Variants in AATF observed in about 807,000 individuals in gnomAD.
The protein encoded by AATF is apoptosis antagonizing transcription factor.
Under a neutral mutation model 63.7 loss-of-function variants are expected in AATF, and 48 were observed. The ratio of observed to expected loss-of-function variants is 0.75; its 90% CI spans 0.60 to 0.96. The LOEUF is 0.96. AATF is among the 40% of genes least tolerant of loss of function. The pLI is 0.00. For missense variants in AATF, 639 were observed against 685.7 expected, an observed-to-expected ratio of 0.93 and a Z score of 0.76; for synonymous variants, 258 against 247.7, an observed-to-expected ratio of 1.04 and a Z score of -0.39.
intron 8 of AATF, among the ~76,000 whole-genome samples, chr17:37,018,163 C>T (rs1344888626): frequency 1.3e-5 from 2 of 152,108 alleles, no homozygotes; most frequent in Non-Finnish European, 2.9e-5. Context: ...GTTTTTCTCC[C>T]TTAGTGTTTA....
intron 11 of AATF, among the ~76,000 whole-genome samples, chr17:37,050,915 G>A (rs111262893): frequency 0.044 from 6,670 of 152,200 alleles, 181 homozygotes; most frequent in African/African-American, 0.074. Flanking sequence ...ATTAGTCAAA[G>A]GCAAATTATG....
In AATF at chr17:36,988,571, CGAA is replaced by C. The variant is rs2071187252; in HGVS notation, c.1005_1007del (p.Arg336del). 1 of 1,613,956 alleles carries C rather than the reference CGAA, an allele frequency of 6.2e-7. No homozygotes were observed. Among genetic ancestry groups the C allele is most frequent in the South Asian group, 1.1e-5 (1 of 91,080 alleles). On this transcript the variant is annotated inframe_deletion, in exon 6 of 12. Coordinates refer to ENST00000619387, the MANE Select transcript of AATF (RefSeq NM_012138.4). ...GCTGGTAGAAGAGAAGAAGCAGCAA[CGAA>C]GAAGGGTCCCTGCAAAGAGGAAGCT...
chr17:37,042,272 T>G (rs2071646956), intron 11 of AATF, among the ~76,000 whole-genome samples: 2 of 152,064 alleles, frequency 1.3e-5, no homozygotes, highest in Non-Finnish European at 2.9e-5. Flanking sequence ...CCCAGAACAA[T>G]TATTCACCTA....
intron 4 of AATF, among the ~76,000 whole-genome samples, chr17:36,978,802 C>T (rs746406153): frequency 4.6e-5 from 7 of 151,616 alleles, no homozygotes; most frequent in Non-Finnish European, 8.8e-5. Flanking sequence ...TTACTGGTAA[C>T]GCCATTCTGC....
chr17:36,958,895 A>G (rs371881558), intron 4 of AATF, among the ~76,000 whole-genome samples: 1 of 152,212 alleles, frequency 6.6e-6, no homozygotes, highest in Non-Finnish European at 1.5e-5. Flanking sequence ...CTGTAATCCT[A>G]GCACTTTGGG....
At chr17:36,964,843 A>G (rs963851421) in intron 4 of AATF, among the ~76,000 whole-genome samples, 5 of 137,516 alleles carry the variant, frequency 3.6e-5, no homozygotes, top group Admixed American at 1.7e-4. Flanking sequence ...TAAATTTTCC[A>G]TTTTGAGCTG....
rs1225775085 is a variant in AATF at position 37,048,262 on chromosome 17, G to T, written c.1620-8339G>T. 2.0e-5 allele frequency among the ~76,000 whole-genome samples: 3 copies of T among 149,944 alleles called. No individual in the cohort carries two copies. The East Asian group carries it at 5.9e-4, about 29-fold the overall frequency. On this transcript the variant is annotated intron_variant, in intron 11 of 11. Coordinates refer to ENST00000619387, the MANE Select transcript of AATF (RefSeq NM_012138.4). ...AGTTTTCTACTATAGTGATTTTTGT[G>T]TCATTCTGACTAAATACTAACTCCT...
chr17:37,045,324 A>ATC (rs1567996365), intron 11 of AATF: 1 of 152,302 alleles, frequency 6.6e-6, no homozygotes, highest in Non-Finnish European at 1.5e-5. Context: ...CTTCTACAAT[A>ATC]TAGATGAGGA....
At chr17:36,982,233 GTT>G (rs61030839) in intron 4 of AATF, among the ~76,000 whole-genome samples, 5,273 of 121,708 alleles carry the variant, frequency 0.043, 282 homozygotes, top group African/African-American at 0.14. Context: ...TTTTTGTTTT[GTT>G]TTTTTTTTTT....
chr17:37,045,987 T>G (rs948035108), intron 11 of AATF: 6 of 152,072 alleles, frequency 3.9e-5, no homozygotes, highest in Admixed American at 3.3e-4. Context: ...AACCAAAAAA[T>G]TATGGACAGA....
chr17:37,036,829 A>G (rs1014911464), intron 11 of AATF, among the ~76,000 whole-genome samples: 1 of 152,118 alleles, frequency 6.6e-6, no homozygotes, highest in Non-Finnish European at 1.5e-5. Context: ...TTTGTATTGC[A>G]TGCCTGATGA....
intron 9 of AATF, among the ~76,000 whole-genome samples, 159 bp downstream of exon 9, chr17:37,019,231 A>G (rs1390057463): frequency 6.6e-6 from 1 of 152,248 alleles, no homozygotes; most frequent in Non-Finnish European, 1.5e-5. Flanking sequence ...TGTTTACCCT[A>G]CATTGCCTAA....
At chr17:37,006,683 G>A (rs2071344148) in intron 8 of AATF, among the ~76,000 whole-genome samples, 2 of 152,178 alleles carry the variant, frequency 1.3e-5, no homozygotes. Context: ...ATGCCTAATG[G>A]AAATATATGG....
intron 11 of AATF, chr17:37,055,352 A>G (rs2071789378): frequency 6.6e-6 from 1 of 152,010 alleles, no homozygotes; most frequent in African/African-American, 2.4e-5. Flanking sequence ...TAAAGCTTTG[A>G]TACTCTATTC....
chr17:37,050,583 A>G (rs547047730), intron 11 of AATF, among the ~76,000 whole-genome samples: 2 of 152,350 alleles, frequency 1.3e-5, no homozygotes, highest in African/African-American at 4.8e-5. Context: ...CGTGTGTGTG[A>G]ATCTCTGTGC....
Position 37,015,294 on chromosome 17 carries a change from T to C in AATF, c.1399-3711T>C, listed in dbSNP as rs113332719. Among the ~76,000 whole-genome samples the C allele has an allele frequency of 5.1e-3, 770 of 152,340 alleles. 8 individuals are homozygous for C. Among genetic ancestry groups the C allele is most frequent in the African/African-American group, 0.017 (724 of 41,578 alleles). On this transcript the variant is annotated intron_variant, in intron 8 of 11. Coordinates refer to ENST00000619387, the MANE Select transcript of AATF (RefSeq NM_012138.4). ...TTTGCTTTGTTTTCTATATATCTAT[T>C]TGTTTGTGCTGCTATAGTAAAATAC... is the stretch of plus-strand genomic sequence containing the variant.
chr17:37,024,695 A>C (rs1007981804), intron 10 of AATF, among the ~76,000 whole-genome samples: 1 of 152,232 alleles, frequency 6.6e-6, no homozygotes, highest in African/African-American at 2.4e-5. Context: ...ACAGTGGCTC[A>C]CACCTGTAAT....
chr17:37,025,563 G>A (rs1484806431), intron 10 of AATF, among the ~76,000 whole-genome samples: 1 of 152,124 alleles, frequency 6.6e-6, no homozygotes, highest in Non-Finnish European at 1.5e-5. Context: ...GGTCAGGAGC[G>A]CCTGGTGCCT....
intron 2 of AATF, among the ~76,000 whole-genome samples, chr17:36,951,976 A>G (rs1425621228): frequency 2.0e-5 from 3 of 152,210 alleles, no homozygotes; most frequent in African/African-American, 7.2e-5. Context: ...GATTGGATAA[A>G]CTGTAAAAAC....
Sources: gnomAD v4.1 joint callset for allele counts (sites outside exome capture counted in the v4.1 genomes callset) on GRCh38, gnomAD v4.1.1 for gene constraint, MANE v1.5 for transcripts, NCBI Gene and HGNC (gene_info 2026-07-23, HGNC 2026-07-21) for gene names.